C12orf50: variants seen among roughly 807,000 people sequenced by gnomAD.
C12orf50 encodes the protein zinc finger CCCH-type containing 11D.
C12orf50 carries 35 observed loss-of-function variants against 61.6 expected under a neutral mutation model. The observed-to-expected ratio is 0.57, with a 90% confidence interval of 0.43 to 0.75. The LOEUF is 0.75. Among genes scored for constraint, C12orf50 ranks in the 30% least tolerant of loss-of-function variants. The pLI is 0.00. For synonymous variants in C12orf50, 178 were observed against 161.5 expected, an observed-to-expected ratio of 1.10 and a Z score of -0.77; for missense variants, 475 against 488.5, an observed-to-expected ratio of 0.97 and a Z score of 0.26.
At chr12:87,999,329 G>A (rs1481268859) in intron 3 of C12orf50, among the ~76,000 whole-genome samples, 1 of 152,206 alleles carries the variant, frequency 6.6e-6, no homozygotes, top group Non-Finnish European at 1.5e-5. Flanking sequence ...GGAGGCTGAG[G>A]TGGAAGCATC....
chr12:88,026,669 AT>A (rs2032719486), intron 2 of C12orf50, 61 bp from the exon 3 acceptor site: 1 of 1,579,646 alleles, frequency 6.3e-7, no homozygotes. Flanking sequence ...AACAAATACA[AT>A]GTGCTACAAT....
intron 3 of C12orf50, among the ~76,000 whole-genome samples, chr12:88,009,321 T>G (rs1282964376): frequency 6.6e-6 from 1 of 152,108 alleles, no homozygotes; most frequent in Non-Finnish European, 1.5e-5. Flanking sequence ...TTGATAGAAT[T>G]TTTGATATTT....
intron 3 of C12orf50, among the ~76,000 whole-genome samples, chr12:88,009,654 AC>A (rs896055566): frequency 3.3e-5 from 5 of 152,132 alleles, no homozygotes; most frequent in African/African-American, 1.2e-4. Context: ...ACAACAAAGA[AC>A]TATCCAGTCC....
At chr12:88,026,420 T>A in intron 3 of C12orf50, 68 bp downstream of exon 3, 1 of 1,532,874 alleles carries the variant, frequency 6.5e-7, no homozygotes, top group African/African-American at 1.4e-5. Flanking sequence ...AAATGTGTCA[T>A]TCTATGCTGC....
intron 3 of C12orf50, among the ~76,000 whole-genome samples, chr12:88,002,205 C>T (rs1017411671): frequency 2.0e-5 from 3 of 151,786 alleles, no homozygotes; most frequent in African/African-American, 7.2e-5. Flanking sequence ...TTTTACTAAA[C>T]ACAAAGTATT....
chr12:88,027,807 G>T (rs2032761027), intron 1 of C12orf50: 1 of 152,038 alleles, frequency 6.6e-6, no homozygotes, highest in South Asian at 2.1e-4. Context: ...GAAGAGAGGT[G>T]GATAACATTC....
intron 3 of C12orf50, among the ~76,000 whole-genome samples, chr12:88,026,266 T>A (rs1036936613): frequency 2.0e-5 from 3 of 152,212 alleles, no homozygotes; most frequent in Non-Finnish European, 4.4e-5. Flanking sequence ...TAGATACACA[T>A]AGAGAAAGTT....
At chr12:88,003,679 T>C (rs964221102) in intron 3 of C12orf50, among the ~76,000 whole-genome samples, 3 of 152,104 alleles carry the variant, frequency 2.0e-5, no homozygotes, top group Admixed American at 2.0e-4. Context: ...CTGTTAATCA[T>C]ACTGGGGTTC....
intron 2 of C12orf50, 142 bp from the exon 3 acceptor site, chr12:88,026,750 G>T: frequency 7.5e-7 from 1 of 1,328,074 alleles, no homozygotes; most frequent in Non-Finnish European, 1.0e-6. Flanking sequence ...AGCTTTCAGT[G>T]TTTCTAAGCC....
intron 1 of C12orf50, chr12:88,027,996 C>A (rs1290222524): frequency 5.9e-5 from 9 of 152,190 alleles, no homozygotes; most frequent in African/African-American, 1.7e-4. Context: ...ACCACTTGCC[C>A]ATTGTCACAA....
In C12orf50 at chr12:87,987,912, G is replaced by A. The variant is rs769384864; in HGVS notation, c.755C>T (p.Thr252Ile). 1 of 1,612,056 alleles carries A rather than the reference G, an allele frequency of 6.2e-7. No homozygotes were observed. The highest frequency in any genetic ancestry group is 8.5e-7 in the Non-Finnish European group (1 of 1,178,710). The change falls in exon 9 of 13, where the codon ACA (threonine) becomes ATA (isoleucine). Residue 252 changes from threonine (T) to isoleucine (I), a missense_variant. Physicochemically the swap from Thr to Ile is moderately conservative, Grantham distance 89. Transcript: ENST00000298699. ...CTCAGTAGCATTTAATACATGCGTT[G>A]TAGGTACTAGTCGGGTAGTTAGGGA... is the stretch of plus-strand genomic sequence containing the variant. ...KHSLTTRLVP[T>I]THVLNATENI...
intron 12 of C12orf50, 119 bp from the exon 13 acceptor site, chr12:87,980,475 G>A: frequency 1.2e-6 from 1 of 843,740 alleles, no homozygotes; most frequent in Non-Finnish European, 1.9e-6. Context: ...TAATCTTACT[G>A]TTTTAACTTA....
At position 87,989,396 on chromosome 12, in the gene C12orf50, G is replaced by A. The variant is rs1379417403; in HGVS notation, c.593-25C>T. The A allele has an allele frequency of 4.0e-6, 6 of 1,509,134 alleles. No individual in the cohort carries two copies. In the East Asian group the frequency reaches 1.1e-4, roughly 28 times the overall value. The allele number at this position is 1,509,134 out of a possible 1,614,324, so 93.5% of individuals were successfully genotyped here. A position where few individuals can be genotyped will look rare whatever the true frequency, so the allele number is the denominator to read the frequency against. On this transcript the variant is annotated intron_variant, in intron 7 of 12. Coordinates refer to ENST00000298699, the MANE Select transcript of C12orf50 (RefSeq NM_152589.3). Reference sequence around the variant, plus strand: ...CCTATGACAAAACCTTACTGTCAGTGGCAACAATGGCAGAAAGTGATACAA... The same window carrying A: ...CCTATGACAAAACCTTACTGTCAGTAGCAACAATGGCAGAAAGTGATACAA...
At chr12:88,022,156 A>C (rs891525685) in intron 3 of C12orf50, among the ~76,000 whole-genome samples, 1 of 151,910 alleles carries the variant, frequency 6.6e-6, no homozygotes, top group Non-Finnish European at 1.5e-5. Context: ...ATGATCAAGT[A>C]TGCCATATCC....
chr12:88,012,868 G>A (rs777542864), intron 3 of C12orf50, among the ~76,000 whole-genome samples: 6 of 152,020 alleles, frequency 3.9e-5, no homozygotes, highest in African/African-American at 7.2e-5. Context: ...AGTTGAGACC[G>A]GCCTACATAA....
rs1194608753 is a variant in C12orf50 at position 88,026,967 on chromosome 12, C to T, written c.-5G>A. On this transcript the variant is annotated 5_prime_UTR_variant, in exon 2 of 13. An upstream open reading frame in the 5' UTR loses its in-frame stop. Transcript: ENST00000298699. ...TAATTCTACCTGCATTTCCATGTGT[C>T]TAAATCTGCAAAGTGGATCTAAACA... 6.2e-7 allele frequency: 1 copy of T among 1,613,540 alleles called. No homozygotes were observed. The highest frequency in any genetic ancestry group is 8.5e-7 in the Non-Finnish European group (1 of 1,179,876).
chr12:88,016,855 G>A (rs1000750926), intron 3 of C12orf50, among the ~76,000 whole-genome samples: 2 of 152,176 alleles, frequency 1.3e-5, no homozygotes, highest in Non-Finnish European at 2.9e-5. Flanking sequence ...TAGGGAGTAT[G>A]GCAATAAGAA....
intron 3 of C12orf50, among the ~76,000 whole-genome samples, chr12:88,008,261 A>G (rs1212733773): frequency 1.3e-5 from 2 of 151,894 alleles, no homozygotes; most frequent in African/African-American, 4.8e-5. Flanking sequence ...GTTCTCCTCT[A>G]TGTGTCCATT....
intron 9 of C12orf50, among the ~76,000 whole-genome samples, chr12:87,986,779 A>T (rs1445634296): frequency 2.6e-5 from 4 of 152,068 alleles, no homozygotes; most frequent in Non-Finnish European, 5.9e-5. Context: ...TTCAACATGA[A>T]TTTTTTGTAC....
Sources: gnomAD v4.1 joint callset for allele counts (sites outside exome capture counted in the v4.1 genomes callset) on GRCh38, gnomAD v4.1.1 for gene constraint, MANE v1.5 for transcripts, NCBI Gene and HGNC (gene_info 2026-07-23, HGNC 2026-07-21) for gene names.